The following MED29 variants were observed in gnomAD, a reference collection of about 807,000 sequenced individuals.
MED29 encodes the protein mediator of RNA polymerase II transcription subunit 29.
MED29 carries 14 observed loss-of-function variants against 22.0 expected under a neutral mutation model. That is an observed-to-expected ratio of 0.64 (90% CI 0.42 to 0.99). The LOEUF is 0.99. Among genes scored for constraint, MED29 ranks in the 50% least tolerant of loss-of-function variants. MED29 has a pLI of 0.00. For synonymous variants in MED29, 123 were observed against 107.8 expected (o/e 1.14, Z -0.87); for missense variants, 241 against 253.7 (o/e 0.95, Z 0.34).
In MED29 at chr19:39,399,661, T is replaced by C. The variant is rs2078450887; in HGVS notation, c.*1962T>C. On this transcript the variant is annotated 3_prime_UTR_variant, in exon 4 of 4. Coordinates refer to ENST00000315588, the MANE Select transcript of MED29 (RefSeq NM_017592.4). ...AGTCCCACCCAACATGATGCAGTTATCTTGCATACAACTGAAGACAACTAA... is the reference window on the plus strand; with the variant it reads ...AGTCCCACCCAACATGATGCAGTTACCTTGCATACAACTGAAGACAACTAA... The C allele has an allele frequency of 6.6e-6, 1 of 152,344 alleles. No individual in the cohort carries two copies. Among genetic ancestry groups the C allele is most frequent in the South Asian group, 2.1e-4 (1 of 4,840 alleles). 9.4% of individuals were successfully genotyped at this position (152,344 alleles called of 1,614,324 possible).
chr19:39,392,735 C>T (rs1461222414), intron 2 of MED29: 3 of 529,880 alleles, frequency 5.7e-6, no homozygotes, highest in Admixed American at 3.6e-5. Flanking sequence ...AGGAGATCCT[C>T]TTGCCTCAGC....
Position 39,391,452 on chromosome 19 carries a change from G to C in MED29, c.30G>C (p.Ala10=). Residue 10 remains alanine, a synonymous_variant, in exon 1 of 4, where the codon GCG becomes GCC. Transcript: ENST00000315588. ...CTGCATCCCAGCAGCAAGCTTCAGC[G>C]GCTTCCTCAGCTGCTGGTGTATCGG... MAASQQQAS[A]ASSAAGVSGP... 1 of 1,613,456 alleles carries C rather than the reference G, an allele frequency of 6.2e-7. No individual in the cohort carries two copies. The highest frequency in any genetic ancestry group is 1.1e-5 in the South Asian group (1 of 91,068).
chr19:39,397,898 T>A lies in MED29; in HGVS notation c.*199T>A. 1 of 838,010 alleles carries A rather than the reference T, an allele frequency of 1.2e-6. No homozygotes were observed. Among genetic ancestry groups the A allele is most frequent in the Non-Finnish European group, 1.8e-6 (1 of 552,764 alleles). The allele number at this position is 838,010 out of a possible 1,614,324, so 51.9% of individuals were successfully genotyped here. A position where few individuals can be genotyped will look rare whatever the true frequency, so the allele number is the denominator to read the frequency against. On this transcript the variant is annotated 3_prime_UTR_variant, in exon 4 of 4. Coordinates refer to ENST00000315588, the MANE Select transcript of MED29 (RefSeq NM_017592.4). ...CCCTGCCCCTTCTTCCTGCTCCCCCTCCTAGCCTAGGGTAGACTTTGAACT... is the reference window on the plus strand; with the variant it reads ...CCCTGCCCCTTCTTCCTGCTCCCCCACCTAGCCTAGGGTAGACTTTGAACT...
Position 39,392,338 on chromosome 19 carries a change from A to G in MED29, c.217-126A>G, listed in dbSNP as rs73930731. The G allele has an allele frequency of 7.1e-4, 564 of 790,526 alleles. 3 individuals carry two copies. The African/African-American group carries it at 8.9e-3, about 13-fold the overall frequency. The allele number at this position is 790,526 out of a possible 1,614,324, so 49.0% of individuals were successfully genotyped here. A position where few individuals can be genotyped will look rare whatever the true frequency, so the allele number is the denominator to read the frequency against. Reference sequence around the variant, plus strand: ...GAAACGAATATTACTTTGGAAAGTCAGGAGGGAAGGTGCCAGTTGAAAAGA... The same window carrying G: ...GAAACGAATATTACTTTGGAAAGTCGGGAGGGAAGGTGCCAGTTGAAAAGA... On this transcript the variant is annotated intron_variant, in intron 1 of 3. Transcript: ENST00000315588.
rs751913057 is a variant in MED29, at chr19:39,399,020, G to A, written c.*1321G>A. ...GTAGGGCAAGAAGGAAGGCTGAAGC[G>A]CTGTCCCTAGGAGGAATTTCTCCTT... On this transcript the variant is annotated 3_prime_UTR_variant, in exon 4 of 4. Coordinates refer to ENST00000315588, the MANE Select transcript of MED29 (RefSeq NM_017592.4). 1 of 152,304 alleles carries A rather than the reference G, an allele frequency of 6.6e-6. No individual in the cohort carries two copies. The highest frequency in any genetic ancestry group is 1.9e-4 in the East Asian group (1 of 5,192). 9.4% of individuals were successfully genotyped at this position (152,304 alleles called of 1,614,324 possible). A position where few individuals can be genotyped will look rare whatever the true frequency, so the allele number is the denominator to read the frequency against.
intron 1 of MED29, among the ~76,000 whole-genome samples, 190 bp downstream of exon 1, chr19:39,391,828 G>A (rs2078383724): frequency 6.6e-6 from 1 of 152,158 alleles, no homozygotes; most frequent in Non-Finnish European, 1.5e-5. Flanking sequence ...GAGGTCAGGA[G>A]TTCAAGACCA....
intron 1 of MED29, among the ~76,000 whole-genome samples, chr19:39,392,165 T>C (rs770070130): frequency 2.0e-5 from 3 of 152,180 alleles, no homozygotes; most frequent in Non-Finnish European, 4.4e-5. Flanking sequence ...GAAACTGGGC[T>C]CTGGTCGTTA....
rs2078455983 is a variant in MED29, at chr19:39,400,400, T to C, written c.*2701T>C. On this transcript the variant is annotated 3_prime_UTR_variant, in exon 4 of 4. Coordinates refer to ENST00000315588, the MANE Select transcript of MED29 (RefSeq NM_017592.4). ...TTTTAAAAAAAGAAGTGGAGGTGTT[T>C]ACACCAGCAAAATACTCATTTTTTA... 1 of 152,178 alleles carries C rather than the reference T, an allele frequency of 6.6e-6. No homozygotes were observed. Among genetic ancestry groups the C allele is most frequent in the Non-Finnish European group, 1.5e-5 (1 of 68,028 alleles). 9.4% of individuals were successfully genotyped at this position (152,178 alleles called of 1,614,324 possible). A position where few individuals can be genotyped will look rare whatever the true frequency, so the allele number is the denominator to read the frequency against.
intron 3 of MED29, 83 bp from the exon 4 acceptor site, chr19:39,397,374 C>T (rs893383074): frequency 2.9e-5 from 43 of 1,471,994 alleles, no homozygotes; most frequent in African/African-American, 8.3e-5. Context: ...GAGGCCAAGC[C>T]GACAACCCCC....
chr19:39,397,095 C>G (rs1010401835), intron 3 of MED29, among the ~76,000 whole-genome samples: 5 of 152,022 alleles, frequency 3.3e-5, no homozygotes, highest in Non-Finnish European at 7.4e-5. Context: ...GGGTGAGATG[C>G]CACTGCCAAC....
chr19:39,394,779 G>A (rs573601785), intron 3 of MED29, among the ~76,000 whole-genome samples: 1 of 151,050 alleles, frequency 6.6e-6, no homozygotes, highest in African/African-American at 2.4e-5. Context: ...GGCCAGGATG[G>A]TCTTGATCTC....
intron 2 of MED29, among the ~76,000 whole-genome samples, chr19:39,393,081 C>CTTTTTTTTTTTTTTT (rs142198224): frequency 5.5e-4 from 19 of 34,706 alleles, no homozygotes; most frequent in Non-Finnish European, 9.4e-4. Context: ...TCTTTCTTTT[C>CTTTTTTTTTTTTTTT]TTTTTTTTTT....
At position 39,400,005 on chromosome 19, in the gene MED29, G is replaced by T. The variant is rs1404945076; in HGVS notation, c.*2306G>T. On this transcript the variant is annotated 3_prime_UTR_variant, in exon 4 of 4. Coordinates refer to ENST00000315588, the MANE Select transcript of MED29 (RefSeq NM_017592.4). ...GCCCAAGGCCTGTATTTGTGGAGCT[G>T]ATGTTCTAGTGAGAGACAGTAAATG... 6.6e-6 allele frequency: 1 copy of T among 152,362 alleles called. No homozygotes were observed. The highest frequency in any genetic ancestry group is 2.1e-4 in the South Asian group (1 of 4,836). The allele number at this position is 152,362 out of a possible 1,614,324, so 9.4% of individuals were successfully genotyped here.
At chr19:39,396,024 G>A (rs988555214) in intron 3 of MED29, among the ~76,000 whole-genome samples, 3 of 152,208 alleles carry the variant, frequency 2.0e-5, no homozygotes, top group Non-Finnish European at 2.9e-5. Flanking sequence ...CAGTGTGGGC[G>A]CCATTAGTGC....
intron 3 of MED29, among the ~76,000 whole-genome samples, chr19:39,396,050 G>A (rs1223248556): frequency 2.0e-5 from 3 of 152,236 alleles, no homozygotes; most frequent in Non-Finnish European, 4.4e-5. Context: ...TGGAAACTGA[G>A]TGGTGTGCGT....
chr19:39,397,336 CCTCTGA>C (rs1267755703), intron 3 of MED29, 115 bp from the exon 4 acceptor site: 2 of 1,103,002 alleles, frequency 1.8e-6, no homozygotes, highest in Non-Finnish European at 2.6e-6. Context: ...GCAGGGCCAA[CCTCTGA>C]CTCTAAGACC....
intron 3 of MED29, among the ~76,000 whole-genome samples, chr19:39,397,215 C>G (rs1410900215): frequency 6.6e-6 from 1 of 152,158 alleles, no homozygotes; most frequent in Non-Finnish European, 1.5e-5. Context: ...TCTCACTGTT[C>G]TCACCTTATG....
intron 2 of MED29, 145 bp from the exon 3 acceptor site, chr19:39,393,408 T>C (rs2078410476): frequency 2.6e-6 from 2 of 756,908 alleles, no homozygotes; most frequent in South Asian, 1.7e-5. Context: ...CTTTTCTTTT[T>C]TTTTGAACCC....
Position 39,391,437 on chromosome 19 carries a change from G to A in MED29, c.15G>A (p.Gln5=). The change falls in exon 1 of 4, where the codon CAG becomes CAA. Residue 5 remains glutamine (Q), a synonymous_variant. Transcript: ENST00000315588. MAAS[Q]QQASAASSAA... ...ACGCGAGGAAGATGGCTGCATCCCAGCAGCAAGCTTCAGCGGCTTCCTCAG... is the reference window on the plus strand; with the variant it reads ...ACGCGAGGAAGATGGCTGCATCCCAACAGCAAGCTTCAGCGGCTTCCTCAG... 1.9e-6 allele frequency: 3 copies of A among 1,613,158 alleles called. No individual in the cohort carries two copies. In the South Asian group the frequency reaches 3.3e-5, roughly 18 times the overall value.
Sources: gnomAD v4.1 joint callset for allele counts (sites outside exome capture counted in the v4.1 genomes callset) on GRCh38, gnomAD v4.1.1 for gene constraint, MANE v1.5 for transcripts, NCBI Gene and HGNC (gene_info 2026-07-23, HGNC 2026-07-21) for gene names.